Variants in CTNNA2 observed in about 807,000 individuals in gnomAD.
CTNNA2 encodes the protein catenin alpha-2.
CTNNA2 carries 42 observed loss-of-function variants against 101.0 expected under a neutral mutation model. The ratio of observed to expected loss-of-function variants is 0.42; its 90% CI spans 0.32 to 0.54. The LOEUF is 0.54. CTNNA2 is among the 20% of genes least tolerant of loss of function. The pLI is 0.14. For synonymous variants in CTNNA2, 450 were observed against 456.4 expected (o/e 0.99, Z 0.18); for missense variants, 871 against 1,223.1 (o/e 0.71, Z 4.29).
intron 7 of CTNNA2, among the ~76,000 whole-genome samples, chr2:80,100,716 A>G (rs1700489126): frequency 6.6e-6 from 1 of 152,168 alleles, no homozygotes; most frequent in South Asian, 2.1e-4. Flanking sequence ...GCCACATTTT[A>G]GGCTGTTTAT....
intron 7 of CTNNA2, among the ~76,000 whole-genome samples, chr2:80,156,610 A>C (rs1197652980): frequency 1.3e-5 from 2 of 152,186 alleles, no homozygotes; most frequent in Non-Finnish European, 2.9e-5. Flanking sequence ...CTAGTGGACT[A>C]GAGAAATTGA....
At chr2:79,687,227 CT>C (rs1394259716) in intron 2 of CTNNA2, among the ~76,000 whole-genome samples, 1 of 152,016 alleles carries the variant, frequency 6.6e-6, no homozygotes, top group South Asian at 2.1e-4. Context: ...CCCTGGCTCA[CT>C]TTAGATTTTG....
intron 4 of CTNNA2, among the ~76,000 whole-genome samples, chr2:79,396,921 A>G (rs1410410512): frequency 1.3e-5 from 2 of 152,138 alleles, no homozygotes; most frequent in Non-Finnish European, 2.9e-5. Flanking sequence ...TTGTTATAGC[A>G]GTGGTTCTCA....
At chr2:79,578,326 A>G (rs544799562) in intron 1 of CTNNA2, among the ~76,000 whole-genome samples, 1 of 152,120 alleles carries the variant, frequency 6.6e-6, no homozygotes, top group Admixed American at 6.6e-5. Flanking sequence ...TTCCTCCCAG[A>G]GAATAACCTG....
intron 7 of CTNNA2, among the ~76,000 whole-genome samples, chr2:80,336,283 A>T (rs1443949931): frequency 6.6e-6 from 1 of 151,952 alleles, no homozygotes; most frequent in African/African-American, 2.4e-5. Context: ...CCCCTTTTAT[A>T]AGGATCCTAA....
intron 18 of CTNNA2, among the ~76,000 whole-genome samples, chr2:80,630,948 G>C (rs1672224833): frequency 6.6e-6 from 1 of 152,132 alleles, no homozygotes; most frequent in Non-Finnish European, 1.5e-5. Context: ...GAAAATTGGA[G>C]AACTGTAACA....
intron 6 of CTNNA2, among the ~76,000 whole-genome samples, chr2:79,890,108 A>G (rs1202655784): frequency 6.6e-6 from 1 of 152,188 alleles, no homozygotes; most frequent in Non-Finnish European, 1.5e-5. Context: ...TGTGAATGCC[A>G]TTTTTAGTTT....
intron 7 of CTNNA2, among the ~76,000 whole-genome samples, chr2:80,370,698 A>C (rs552525161): frequency 6.6e-6 from 1 of 152,314 alleles, no homozygotes; most frequent in African/African-American, 2.4e-5. Flanking sequence ...AATAAGATAA[A>C]GATATTCTGG....
At chr2:79,732,203 G>C (rs1050038425) in intron 2 of CTNNA2, among the ~76,000 whole-genome samples, 5 of 152,050 alleles carry the variant, frequency 3.3e-5, no homozygotes, top group Admixed American at 6.6e-5. Context: ...TCAGATTTGT[G>C]ATGTTTGTCT....
chr2:79,762,047 G>C (rs1179922473), intron 3 of CTNNA2, among the ~76,000 whole-genome samples: 3 of 152,106 alleles, frequency 2.0e-5, no homozygotes, highest in African/African-American at 4.8e-5. Flanking sequence ...CAAGGCAGAA[G>C]GGCTTCGTCG....
chr2:79,681,330 C>G (rs1319646432), intron 2 of CTNNA2, among the ~76,000 whole-genome samples: 1 of 152,174 alleles, frequency 6.6e-6, no homozygotes, highest in Middle Eastern at 3.2e-3. Flanking sequence ...TTTTCTGTTA[C>G]TAGACCGCCT....
At chr2:79,536,838 GT>G (rs1673105638) in intron 1 of CTNNA2, among the ~76,000 whole-genome samples, 1 of 151,938 alleles carries the variant, frequency 6.6e-6, no homozygotes, top group East Asian at 1.9e-4. Flanking sequence ...AGTAGCTGGT[GT>G]TACAGGTGCA....
rs531328662 is a variant in CTNNA2 at position 80,354,589 on chromosome 2, C to T, written c.1057-38622C>T. ...TGAAAGCAAATGGGATAAGGAGTTT[C>T]GGGGGAGTTTTAGAAGAGAAGTCTT... On this transcript the variant is annotated intron_variant, in intron 7 of 18. Transcript: ENST00000402739. 5.9e-5 allele frequency among the ~76,000 whole-genome samples: 9 copies of T among 152,148 alleles called. No homozygotes were observed. The South Asian group carries it at 1.2e-3, about 21-fold the overall frequency.
At chr2:79,334,414 A>T (rs1302530472) in intron 3 of CTNNA2, among the ~76,000 whole-genome samples, 1 of 152,150 alleles carries the variant, frequency 6.6e-6, no homozygotes, top group Admixed American at 6.5e-5. Context: ...CAGAAGTTGT[A>T]AAGGACATAA....
At chr2:80,488,894 C>T (rs11691381) in intron 9 of CTNNA2, among the ~76,000 whole-genome samples, 22,638 of 152,198 alleles carry the variant, frequency 0.15, 1,725 homozygotes, top group Middle Eastern at 0.22. Flanking sequence ...CTCATACACA[C>T]GTGCATGCAC....
intron 7 of CTNNA2, among the ~76,000 whole-genome samples, chr2:80,340,598 A>G (rs564670844): frequency 4.6e-4 from 70 of 152,306 alleles, no homozygotes; most frequent in Middle Eastern, 6.8e-3. Flanking sequence ...TAGCCATACA[A>G]TGATGATCAC....
rs1288276910 is a variant in CTNNA2, at chr2:80,331,429, A to C, written c.1057-61782A>C. On this transcript the variant is annotated intron_variant, in intron 7 of 18. Coordinates refer to ENST00000402739, the MANE Select transcript of CTNNA2 (RefSeq NM_001282597.3). ...TTCCAAAGAAACTGATTGCAGAGAT[A>C]AGTCGATTGGGAAATAGGGTTGCAC... 3.3e-5 allele frequency among the ~76,000 whole-genome samples: 5 copies of C among 152,272 alleles called. No individual in the cohort carries two copies. The East Asian group carries it at 9.6e-4, about 29-fold the overall frequency.
At chr2:79,794,430 C>T (rs941146987) in intron 3 of CTNNA2, among the ~76,000 whole-genome samples, 3 of 152,020 alleles carry the variant, frequency 2.0e-5, no homozygotes, top group Non-Finnish European at 4.4e-5. Flanking sequence ...ATATAAAAAG[C>T]TGTACATATA....
chr2:79,191,531 G>A (rs1673870315), intron 1 of CTNNA2, among the ~76,000 whole-genome samples: 1 of 152,062 alleles, frequency 6.6e-6, no homozygotes, highest in Admixed American at 6.6e-5. Context: ...CATGAGCAAG[G>A]GCCCTAAACC....
Sources: gnomAD v4.1 joint callset for allele counts (sites outside exome capture counted in the v4.1 genomes callset) on GRCh38, gnomAD v4.1.1 for gene constraint, MANE v1.5 for transcripts, NCBI Gene and HGNC (gene_info 2026-07-23, HGNC 2026-07-21) for gene names.